The following KRT71 variants were observed in gnomAD, a reference collection of about 807,000 sequenced individuals.
KRT71 encodes keratin, type II cytoskeletal 71.
A neutral mutation model predicts 46.2 loss-of-function variants in KRT71; 42 were observed. The ratio of observed to expected loss-of-function variants is 0.91; its 90% CI spans 0.71 to 1.18. KRT71 has a LOEUF of 1.18. Among genes scored for constraint, KRT71 ranks in the 50% most tolerant of loss-of-function variants. The pLI, the probability that KRT71 is intolerant of heterozygous loss-of-function variation, is 0.00. For missense variants in KRT71, 708 were observed against 677.9 expected (o/e 1.04, Z -0.49); for synonymous variants, 292 against 277.8 (o/e 1.05, Z -0.51).
rs1283784626 is a variant in KRT71, at chr12:52,548,794, A to G, written c.720T>C (p.Asp240=). ...AENEFVLLKK[D]VDAAYANKVE... Reference sequence around the variant, plus strand: ...CCTTATTGGCGTAAGCAGCATCCACATCCTGAAAGATGCCCCCACCATCCC... The same window carrying G: ...CCTTATTGGCGTAAGCAGCATCCACGTCCTGAAAGATGCCCCCACCATCCC... Residue 240 remains aspartate, a splice_region_variant and synonymous_variant, in exon 4 of 9, where the codon GAT becomes GAC. Transcript: ENST00000267119. The G allele has an allele frequency of 1.2e-6, 2 of 1,613,888 alleles. No homozygotes were observed. The highest frequency in any genetic ancestry group is 1.7e-6 in the Non-Finnish European group (2 of 1,179,782).
chr12:52,549,676 C>A (rs1054371132), intron 2 of KRT71, among the ~76,000 whole-genome samples: 1 of 152,200 alleles, frequency 6.6e-6, no homozygotes, highest in African/African-American at 2.4e-5. Flanking sequence ...CAAAGCGCTC[C>A]AATCTGCATT....
intron 4 of KRT71, 38 bp from the exon 5 acceptor site, chr12:52,548,354 C>T: frequency 6.4e-7 from 1 of 1,571,616 alleles, no homozygotes; most frequent in Non-Finnish European, 8.6e-7. Context: ...GGCTCAACTG[C>T]TGTCGGAAGC....
chr12:52,544,562 C>T lies in KRT71; in HGVS notation c.1542G>A (p.Leu514=), dbSNP rs375863202. The T allele has an allele frequency of 1.2e-6, 2 of 1,613,990 alleles. No homozygotes were observed. Among genetic ancestry groups the T allele is most frequent in the African/African-American group, 2.7e-5 (2 of 74,904 alleles). ...GACTGGTTTTCTTGGAGGGTGCACT[C>T]AGGCTGGAACCCTTCCCTAGGGTGT... ...YKDTLGKGSS[L]SAPSKKTSR Residue 514 remains leucine, a synonymous_variant, in exon 9 of 9, where the codon CTG becomes CTA. Coordinates refer to ENST00000267119, the MANE Select transcript of KRT71 (RefSeq NM_033448.3).
intron 4 of KRT71, 58 bp downstream of exon 4, chr12:52,548,643 G>A: frequency 6.8e-7 from 1 of 1,470,712 alleles, no homozygotes. Context: ...GCAGCCCCTA[G>A]AATAGAGTTT....
In KRT71 at chr12:52,552,888, C is replaced by G; in HGVS notation, c.190G>C (p.Gly64Arg). Reference protein sequence around the residue: ...VRSLNVASGSGKSGGYGFGRG... With the variant: ...VRSLNVASGSRKSGGYGFGRG... ...CCAAATCCATAGCCTCCACTCTTCC[C>G]GCTGCCACTGGCCACATTGAGGCTC... The change falls in exon 1 of 9, where the codon GGG (glycine) becomes CGG (arginine). Residue 64 changes from glycine to arginine, a missense_variant. Gly to Arg is a moderately radical substitution (Grantham distance 125). Transcript: ENST00000267119. The G allele has an allele frequency of 6.2e-7, 1 of 1,614,204 alleles. No individual in the cohort carries two copies.
chr12:52,551,742 T>A (rs560404756), intron 1 of KRT71, among the ~76,000 whole-genome samples: 1 of 152,310 alleles, frequency 6.6e-6, no homozygotes, highest in East Asian at 1.9e-4. Flanking sequence ...TTTCCCCAAA[T>A]GACCCTGGGA....
chr12:52,548,331 G>T lies in KRT71; in HGVS notation c.814-15C>A, dbSNP rs369132041. ...TGAGTGATCTCCTGCAGGGGACACA[G>T]AAATGGTCTCTCGGCTCAACTGCTG... On this transcript the variant is annotated splice_polypyrimidine_tract_variant and intron_variant, in intron 4 of 8. Coordinates refer to ENST00000267119, the MANE Select transcript of KRT71 (RefSeq NM_033448.3). 1.3e-5 allele frequency: 20 copies of T among 1,596,778 alleles called. No individual in the cohort carries two copies. Among genetic ancestry groups the T allele is most frequent in the African/African-American group, 2.7e-5 (2 of 74,554 alleles).
intron 6 of KRT71, 81 bp from the exon 7 acceptor site, chr12:52,546,587 G>T: frequency 2.2e-6 from 3 of 1,379,344 alleles, no homozygotes; most frequent in Non-Finnish European, 3.0e-6. Context: ...GGTCCTTAGA[G>T]TGGGGCAGAG....
At chr12:52,547,683 A>G (rs1939079028) in intron 6 of KRT71, among the ~76,000 whole-genome samples, 174 bp downstream of exon 6, 1 of 152,206 alleles carries the variant, frequency 6.6e-6, no homozygotes, top group African/African-American at 2.4e-5. Context: ...GGAGTGAGTC[A>G]GAGATGAGTA....
chr12:52,547,716 A>T, intron 6 of KRT71, 141 bp downstream of exon 6: 2 of 1,002,036 alleles, frequency 2.0e-6, no homozygotes, highest in East Asian at 2.5e-5. Flanking sequence ...GTCCTGCTCC[A>T]GGTGTTTGAG....
At position 52,544,207 on chromosome 12, in the gene KRT71, C is replaced by A; in HGVS notation, c.*325G>T. On this transcript the variant is annotated 3_prime_UTR_variant, in exon 9 of 9. Coordinates refer to ENST00000267119, the MANE Select transcript of KRT71 (RefSeq NM_033448.3). ...GGCCTTGGGCAGAGACCCAGGGAGC[C>A]CAGCAGAGTAGTTAGCGACTGCGCT... 2.5e-6 allele frequency: 1 copy of A among 404,668 alleles called. No individual in the cohort carries two copies. The allele number at this position is 404,668 out of a possible 1,614,324, so 25.1% of individuals were successfully genotyped here.
In KRT71 at chr12:52,550,087, C is replaced by T. The variant is rs149956258; in HGVS notation, c.598G>A (p.Val200Met). 114 of 1,614,058 alleles carry T rather than the reference C, an allele frequency of 7.1e-5. No homozygotes were observed. The highest frequency in any genetic ancestry group is 9.7e-5 in the Non-Finnish European group (114 of 1,180,028). The change falls in exon 2 of 9, where the codon GTG becomes ATG. Residue 200 changes from valine to methionine, a missense_variant. Coordinates refer to ENST00000267119, the MANE Select transcript of KRT71 (RefSeq NM_033448.3). Reference sequence around the variant, plus strand: ...TTCCTCAGCTCCGAGTCCAGCCTCACCCTGTCCCCAGACAGCGTCTCCAGC... The same window carrying T: ...TTCCTCAGCTCCGAGTCCAGCCTCATCCTGTCCCCAGACAGCGTCTCCAGC... ...KQLETLSGDR[V>M]RLDSELRNVR...
chr12:52,548,943 G>T, intron 3 of KRT71, 147 bp from the exon 4 acceptor site: 1 of 695,230 alleles, frequency 1.4e-6, no homozygotes. Flanking sequence ...CAAAGGCCCA[G>T]CCCTACCCCA....
chr12:52,546,852 G>A (rs771709774), intron 6 of KRT71, among the ~76,000 whole-genome samples: 2 of 152,218 alleles, frequency 1.3e-5, no homozygotes, highest in Non-Finnish European at 2.9e-5. Context: ...AGAGATGGTC[G>A]AATATGCTGT....
rs766287585 is a variant in KRT71, at chr12:52,553,006, G to A, written c.72C>T (p.Leu24=). 2.5e-6 allele frequency: 4 copies of A among 1,612,508 alleles called. No individual in the cohort carries two copies. The highest frequency in any genetic ancestry group is 2.5e-6 in the Non-Finnish European group (3 of 1,179,232). Residue 24 remains leucine (L), a synonymous_variant, in exon 1 of 9, where the codon CTC becomes CTT. Coordinates refer to ENST00000267119, the MANE Select transcript of KRT71 (RefSeq NM_033448.3). The stretch of plus-strand genomic sequence containing the variant: ...GGAAGGAGGATGAGCTGCCCCCTGA[G>A]AGCACAGCTGAGCAGCCACTGAAGC... ...KGGFSGCSAV[L]SGGSSSSFRA... is the part of the protein sequence containing the mutation.
At position 52,544,748 on chromosome 12, in the gene KRT71, A is replaced by G. The variant is rs747723590; in HGVS notation, c.1361-5T>C. The G allele has an allele frequency of 6.2e-7, 1 of 1,606,654 alleles. No homozygotes were observed. The highest frequency in any genetic ancestry group is 1.1e-5 in the South Asian group (1 of 90,624). On this transcript the variant is annotated splice_region_variant and splice_polypyrimidine_tract_variant and intron_variant, in intron 8 of 8. Transcript: ENST00000267119. ...CACTGGTGCTGCTGATGATGGCTGCAGGAGGAGCCGAAGCCAACACCCACT... is the reference window on the plus strand; with the variant it reads ...CACTGGTGCTGCTGATGATGGCTGCGGGAGGAGCCGAAGCCAACACCCACT...
Position 52,544,229 on chromosome 12 carries a change from C to G in KRT71, c.*303G>C. ...AGCCCAGCAGAGTAGTTAGCGACTG[C>G]GCTAGAGGCCGGGCAGAGGAGGAAA... On this transcript the variant is annotated 3_prime_UTR_variant, in exon 9 of 9. Coordinates refer to ENST00000267119, the MANE Select transcript of KRT71 (RefSeq NM_033448.3). The G allele has an allele frequency of 2.1e-6, 1 of 473,630 alleles. No individual in the cohort carries two copies. Among genetic ancestry groups the G allele is most frequent in the East Asian group, 4.0e-5 (1 of 25,036 alleles). 29.3% of individuals were successfully genotyped at this position (473,630 alleles called of 1,614,324 possible).
intron 7 of KRT71, 61 bp downstream of exon 7, chr12:52,546,225 C>T: frequency 6.3e-7 from 1 of 1,580,592 alleles, no homozygotes; most frequent in South Asian, 1.1e-5. Context: ...ATGTGTTAGG[C>T]TTTCTCCTTT....
rs371365264 is a variant in KRT71 at position 52,552,730 on chromosome 12, G to A, written c.348C>T (p.Asn116=). The A allele has an allele frequency of 6.1e-5, 99 of 1,613,978 alleles. No individual in the cohort carries two copies. The highest frequency in any genetic ancestry group is 2.7e-5 in the African/African-American group (2 of 74,942). The part of the protein sequence containing the change: ...TVNESLLAPL[N]VELDPEIQKV... ...TCTGGATCTCGGGGTCCAGCTCCAC[G>A]TTGAGGGGGGCCAGGAGGCTCTCAT... The change falls in exon 1 of 9, where the codon AAC becomes AAT. Residue 116 remains asparagine, a synonymous_variant. Transcript: ENST00000267119.
Sources: gnomAD v4.1 joint callset for allele counts (sites outside exome capture counted in the v4.1 genomes callset) on GRCh38, gnomAD v4.1.1 for gene constraint, MANE v1.5 for transcripts, NCBI Gene and HGNC (gene_info 2026-07-23, HGNC 2026-07-21) for gene names.